Variants in RTEL1 observed in about 807,000 individuals in gnomAD.
RTEL1 encodes the protein regulator of telomere elongation helicase 1, also known as regulator of telomere length.
RTEL1 carries 86 observed loss-of-function variants against 162.2 expected under a neutral mutation model. That is an observed-to-expected ratio of 0.53 (90% CI 0.45 to 0.63). The LOEUF is 0.63. Ranked by LOEUF, RTEL1 falls within the 30% of genes least tolerant of loss-of-function variation. RTEL1 has a pLI of 0.00. For synonymous variants in RTEL1, 958 were observed against 717.9 expected, an observed-to-expected ratio of 1.33 and a Z score of -5.35; for missense variants, 1,941 against 1,750.2, an observed-to-expected ratio of 1.11 and a Z score of -1.95.
chr20:63,693,528 TCCACCACCACCACCACCA>T (rs1568720636), intron 30 of RTEL1, among the ~76,000 whole-genome samples: 71 of 3,140 alleles, frequency 0.023, no homozygotes, highest in Non-Finnish European at 0.035. Context: ...CACCACCACC[TCCACCACCACCACCACCA>T]CCACCACCTC....
chr20:63,688,730 G>C (rs954717533), intron 21 of RTEL1, 125 bp downstream of exon 21: 4 of 814,442 alleles, frequency 4.9e-6, no homozygotes, highest in African/African-American at 3.4e-5. Flanking sequence ...CCTCTTCAGG[G>C]CTCCTGCGTT....
At position 63,695,318 on chromosome 20, in the gene RTEL1, C is replaced by CT. The variant is rs2090950143; in HGVS notation, c.3500-9dup. 1.3e-6 allele frequency: 2 copies of CT among 1,572,014 alleles called. No homozygotes were observed. The highest frequency in any genetic ancestry group is 1.2e-5 in the South Asian group (1 of 85,698). On this transcript the variant is annotated splice_polypyrimidine_tract_variant and intron_variant, in intron 33 of 34. Coordinates refer to ENST00000360203, the MANE Select transcript of RTEL1 (RefSeq NM_001283009.2). ...CCAGGCCCCCCTCAGACTCAAGTCT[C>CT]TGTCTCCAGGCCCCTCACGGTCCGA...
rs398123050 is a variant in RTEL1, at chr20:63,689,870, G to T, written c.2141+5G>T. On this transcript the variant is annotated splice_donor_5th_base_variant and intron_variant, in intron 24 of 34. Coordinates refer to ENST00000360203, the MANE Select transcript of RTEL1 (RefSeq NM_001283009.2). ...TGTCTTCCTCTGTGACCACAGGTGC[G>T]TGCAGTCCGGTGGCAGGCGCGGCGC... 6.2e-7 allele frequency: 1 copy of T among 1,604,028 alleles called. No individual in the cohort carries two copies. The highest frequency in any genetic ancestry group is 1.1e-5 in the South Asian group (1 of 90,956).
At chr20:63,666,543 C>T (rs1298718996) in intron 7 of RTEL1, among the ~76,000 whole-genome samples, 1 of 152,158 alleles carries the variant, frequency 6.6e-6, no homozygotes, top group African/African-American at 2.4e-5. Flanking sequence ...ACCTCCCTCC[C>T]CCTTTTTTTT....
At position 63,689,754 on chromosome 20, in the gene RTEL1, T is replaced by C; in HGVS notation, c.2030T>C (p.Leu677Pro). Reference sequence around the variant, plus strand: ...CCGAGCCGCCTCGCCCCACAGTTCCTCTCTGGGCAGGAGTGGTACCGGCAG... The same window carrying C: ...CCGAGCCGCCTCGCCCCACAGTTCCCCTCTGGGCAGGAGTGGTACCGGCAG... The part of the protein sequence containing the change: ...KGQGGAGGQF[L>P]SGQEWYRQQA... The change falls in exon 24 of 35, where the codon CTC becomes CCC. Residue 677 changes from leucine (L) to proline (P), a missense_variant. Coordinates refer to ENST00000360203, the MANE Select transcript of RTEL1 (RefSeq NM_001283009.2). 6.2e-7 allele frequency: 1 copy of C among 1,611,840 alleles called. No individual in the cohort carries two copies. Among genetic ancestry groups the C allele is most frequent in the Non-Finnish European group, 8.5e-7 (1 of 1,179,496 alleles).
intron 8 of RTEL1, among the ~76,000 whole-genome samples, chr20:63,671,880 T>G (rs1009150571): frequency 2.0e-5 from 3 of 151,612 alleles, no homozygotes; most frequent in Non-Finnish European, 2.9e-5. Flanking sequence ...AGTTGGGTTT[T>G]GTTTTGTTTT....
At position 63,695,394 on chromosome 20, in the gene RTEL1, C is replaced by T. The variant is rs2090953028; in HGVS notation, c.3566C>T (p.Pro1189Leu). The change falls in exon 34 of 35, where the codon CCA (proline) becomes CTA (leucine). Residue 1189 changes from proline to leucine, a missense_variant. Pro to Leu is a moderately conservative substitution (Grantham distance 98). Transcript: ENST00000360203. ...ATCTCGTCCTTCCTTAGACAGAGGCCAGCAGGGACTGTGGGGGCGGGCGGT... is the reference window on the plus strand; with the variant it reads ...ATCTCGTCCTTCCTTAGACAGAGGCTAGCAGGGACTGTGGGGGCGGGCGGT... ...SKISSFLRQRPAGTVGAGGED... is the reference protein window; with the variant it reads ...SKISSFLRQRLAGTVGAGGED... The T allele has an allele frequency of 6.4e-7, 1 of 1,557,294 alleles. No homozygotes were observed. The highest frequency in any genetic ancestry group is 1.4e-5 in the African/African-American group (1 of 73,632).
At chr20:63,679,983 G>T (rs370572262) in intron 13 of RTEL1, 37 bp downstream of exon 13, 2 of 1,470,466 alleles carry the variant, frequency 1.4e-6, no homozygotes, top group Admixed American at 1.8e-5. Context: ...GCGGGCAAAT[G>T]TGGCGTAGGG....
chr20:63,687,347 A>C, intron 16 of RTEL1: 1 of 352,564 alleles, frequency 2.8e-6, no homozygotes, highest in Non-Finnish European at 5.1e-6. Flanking sequence ...CAGTTTCTGC[A>C]GAAGTTTAGG....
chr20:63,674,123 G>A, intron 10 of RTEL1, 30 bp downstream of exon 10: 2 of 1,585,754 alleles, frequency 1.3e-6, no homozygotes, highest in Non-Finnish European at 1.7e-6. Context: ...GCTTGGTCCT[G>A]AGGCCTGCGC....
At chr20:63,679,791 C>T (rs1332482601) in intron 12 of RTEL1, 58 bp from the exon 13 acceptor site, 8 of 1,366,512 alleles carry the variant, frequency 5.9e-6, no homozygotes, top group African/African-American at 2.9e-5. Context: ...TCCTCAGTTC[C>T]CAAAGCTGCA....
At chr20:63,663,888 A>G (rs6010999) in intron 6 of RTEL1, among the ~76,000 whole-genome samples, 12,854 of 152,238 alleles carry the variant, frequency 0.084, 606 homozygotes, top group African/African-American at 0.11. Context: ...AGACTGAGCC[A>G]GGTGGTCCCG....
chr20:63,663,503 C>T (rs79979881), intron 6 of RTEL1, among the ~76,000 whole-genome samples: 8,720 of 152,272 alleles, frequency 0.057, 343 homozygotes, highest in Non-Finnish European at 0.086. Flanking sequence ...CTGCACGTGG[C>T]CACAGCCTGT....
Position 63,695,924 on chromosome 20 carries a change from C to A in RTEL1, c.*66C>A. ...CACCTGCCTGTCCAGCTCTGGTGGG[C>A]CAAGAACCCACCCAACAGAATAGGC... On this transcript the variant is annotated 3_prime_UTR_variant, in exon 35 of 35. Coordinates refer to ENST00000360203, the MANE Select transcript of RTEL1 (RefSeq NM_001283009.2). The A allele has an allele frequency of 6.8e-7, 1 of 1,468,892 alleles. No homozygotes were observed. The highest frequency in any genetic ancestry group is 9.2e-7 in the Non-Finnish European group (1 of 1,082,578). The allele number at this position is 1,468,892 out of a possible 1,614,324, so 91.0% of individuals were successfully genotyped here. A position where few individuals can be genotyped will look rare whatever the true frequency, so the allele number is the denominator to read the frequency against.
chr20:63,689,011 C>A (rs1257636217), intron 21 of RTEL1, 44 bp from the exon 22 acceptor site: 15 of 1,525,026 alleles, frequency 9.8e-6, no homozygotes, highest in African/African-American at 2.7e-5. Flanking sequence ...GAGGAAGGGG[C>A]TGGGGGGGGG....
At chr20:63,693,456 T>TCCACCTCCA (rs2090831426) in intron 30 of RTEL1, among the ~76,000 whole-genome samples, 173 bp downstream of exon 30, 2 of 21,072 alleles carry the variant, frequency 9.5e-5, no homozygotes, top group African/African-American at 5.4e-4. Context: ...CAGCACCACC[T>TCCACCTCCA]CCACCTCCAC....
At chr20:63,691,014 A>C in intron 27 of RTEL1, 67 bp downstream of exon 27, 1 of 1,458,102 alleles carries the variant, frequency 6.9e-7, no homozygotes, top group South Asian at 1.3e-5. Context: ...GACCCCGCCC[A>C]TCTGGCCTCA....
rs532937691 is a variant in RTEL1, at chr20:63,690,585, C to T, written c.2413+144C>T. The T allele has an allele frequency of 4.9e-6, 6 of 1,223,964 alleles. No homozygotes were observed. In the East Asian group the frequency reaches 1.5e-4, roughly 32 times the overall value. 75.8% of individuals were successfully genotyped at this position (1,223,964 alleles called of 1,614,324 possible). ...CACCTCCAAAGGCTGCCTCTCCCTC[C>T]TAGGGCAGGGCCCCCACGGGCTGCA... On this transcript the variant is annotated intron_variant, in intron 26 of 34. Coordinates refer to ENST00000360203, the MANE Select transcript of RTEL1 (RefSeq NM_001283009.2).
chr20:63,691,069 G>GGCGGGCAA (rs1266873001), intron 27 of RTEL1, 122 bp downstream of exon 27: 10 of 1,122,232 alleles, frequency 8.9e-6, no homozygotes, highest in Non-Finnish European at 6.1e-6. Context: ...CTGGCAGGCA[G>GGCGGGCAA]GCGGGCAAGC....
Sources: allele counts gnomAD v4.1 joint callset (sites outside exome capture counted in the v4.1 genomes callset), GRCh38; gene constraint gnomAD v4.1.1; transcripts MANE v1.5; gene names NCBI Gene and HGNC (gene_info 2026-07-23, HGNC 2026-07-21).